ABR: variants seen among roughly 807,000 people sequenced by gnomAD.
ABR encodes active breakpoint cluster region-related protein.
In ABR, 35 loss-of-function variants were observed where a neutral mutation model predicts 107.2. The ratio of observed to expected loss-of-function variants is 0.33; its 90% CI spans 0.25 to 0.43. The LOEUF (loss-of-function observed/expected upper bound fraction) is 0.43, where lower values mean the gene tolerates loss of function less well. ABR is among the 20% of genes least tolerant of loss of function. ABR has a pLI of 1.00. For missense variants in ABR, 815 were observed against 1,115.2 expected (o/e 0.73, Z 3.83); for synonymous variants, 498 against 462.0 (o/e 1.08, Z -1.00).
At chr17:1,211,089 C>T (rs1219485317) in intron 1 of ABR, among the ~76,000 whole-genome samples, 1 of 152,006 alleles carries the variant, frequency 6.6e-6, no homozygotes, top group African/African-American at 2.4e-5. Context: ...ACCAGCCTGT[C>T]CAATATGGTG....
At chr17:1,053,529 C>T (rs921867140) in intron 14 of ABR, among the ~76,000 whole-genome samples, 2 of 152,092 alleles carry the variant, frequency 1.3e-5, no homozygotes, top group Admixed American at 6.5e-5. Context: ...CTTCTCTCCC[C>T]AGGTTCCTGT....
In ABR at chr17:1,078,553, A is replaced by G. The variant is rs1320473446; in HGVS notation, c.700+777T>C. ...CCAGGAAGTTCTCTCACACTAGCCC[A>G]CCAATTCCCCACCGATCCTCGGGGC... On this transcript the variant is annotated intron_variant, in intron 6 of 22. Transcript: ENST00000302538. The surrounding 1 kb of genome is among the most constrained non-coding windows in gnomAD (Gnocchi z 7.5). Among the ~76,000 whole-genome samples the G allele has an allele frequency of 6.6e-6, 1 of 151,712 alleles. No homozygotes were observed. Among genetic ancestry groups the G allele is most frequent in the Non-Finnish European group, 1.5e-5 (1 of 67,930 alleles).
chr17:1,015,028 C>G (rs1356208024), intron 16 of ABR, among the ~76,000 whole-genome samples: 1 of 152,128 alleles, frequency 6.6e-6, no homozygotes, highest in Non-Finnish European at 1.5e-5. Context: ...CAAAAAAAAT[C>G]TGTATACATT....
chr17:1,037,704 G>A lies in ABR; in HGVS notation c.1791+12346C>T, dbSNP rs1418131851. 6.6e-6 allele frequency among the ~76,000 whole-genome samples: 1 copy of A among 152,164 alleles called. No homozygotes were observed. Among genetic ancestry groups the A allele is most frequent in the African/African-American group, 2.4e-5 (1 of 41,432 alleles). On this transcript the variant is annotated intron_variant, in intron 16 of 22. Transcript: ENST00000302538. This position sits in a 1 kb window ranked among gnomAD's most constrained non-coding sequence, Gnocchi z 4.6. ...GGGTGTGGCCGGGTCTCCCAGCACA[G>A]CCATAAATTGCAGCCTGAGGCAGGA...
At chr17:1,101,889 A>G (rs1019767578) in intron 2 of ABR, among the ~76,000 whole-genome samples, 8 of 151,904 alleles carry the variant, frequency 5.3e-5, no homozygotes, top group Admixed American at 6.6e-5. Context: ...TCCCGCCACC[A>G]CGCCCAGCTA....
At chr17:1,020,571 T>A (rs372125125) in intron 16 of ABR, among the ~76,000 whole-genome samples, 1 of 151,756 alleles carries the variant, frequency 6.6e-6, no homozygotes. Context: ...GGAGCAGGAG[T>A]GAAGACCCGA....
At position 1,037,465 on chromosome 17, in the gene ABR, C is replaced by A. The variant is rs745287; in HGVS notation, c.1791+12585G>T. ...CTTGTCTGCTGCAGGAGAAGTGTCC[C>A]GACAGCCCGTCCCTGGCAAACCCTA... On this transcript the variant is annotated intron_variant, in intron 16 of 22. Coordinates refer to ENST00000302538, the MANE Select transcript of ABR (RefSeq NM_021962.5). This position sits in a 1 kb window ranked among gnomAD's most constrained non-coding sequence, Gnocchi z 4.6. Among the ~76,000 whole-genome samples, 1 of 152,184 alleles carries A rather than the reference C, an allele frequency of 6.6e-6. No homozygotes were observed. Among genetic ancestry groups the A allele is most frequent in the African/African-American group, 2.4e-5 (1 of 41,454 alleles).
intron 18 of ABR, 37 bp downstream of exon 18, chr17:1,012,651 C>T (rs770118270): frequency 6.6e-7 from 1 of 1,509,960 alleles, no homozygotes; most frequent in South Asian, 1.2e-5. Context: ...ACCCGGGGCA[C>T]CGACGCCAGG....
intron 2 of ABR, among the ~76,000 whole-genome samples, chr17:1,118,317 G>T (rs71358534): frequency 8.2e-5 from 3 of 36,756 alleles, no homozygotes; most frequent in Admixed American, 3.7e-4. Context: ...TCTCCCCAGC[G>T]TTATCCCTGA....
intron 16 of ABR, among the ~76,000 whole-genome samples, chr17:1,018,098 T>A (rs185459557): frequency 0.035 from 5,305 of 151,014 alleles, 133 homozygotes; most frequent in Middle Eastern, 0.055. Context: ...GCTGGAGTGC[T>A]GTGGCGCGAT....
rs370123746 is a variant in ABR, at chr17:1,091,809, G to A, written c.387C>T (p.Pro129=). The change falls in exon 4 of 23, where the codon CCC becomes CCT. Residue 129 remains proline, a synonymous_variant. Transcript: ENST00000302538. ...PLKATATTSQ[P]VLTIQQIETI... ...TCTCGATCTGCTGGATGGTGAGCAC[G>A]GGCTGGGAGGTGGTGGCGGTGGCCT... 8.1e-5 allele frequency: 131 copies of A among 1,614,092 alleles called. No individual in the cohort carries two copies. The highest frequency in any genetic ancestry group is 1.2e-4 in the African/African-American group (9 of 75,048).
At chr17:1,091,189 CT>C (rs2036999389) in intron 4 of ABR, among the ~76,000 whole-genome samples, 1 of 152,168 alleles carries the variant, frequency 6.6e-6, no homozygotes, top group Admixed American at 6.5e-5. Context: ...CCTCATGCCC[CT>C]AACCCGGCAT....
Position 1,109,934 on chromosome 17 carries a change from C to T in ABR, c.247-9199G>A, listed in dbSNP as rs1398376865. 9.7e-5 allele frequency among the ~76,000 whole-genome samples: 12 copies of T among 124,150 alleles called. No homozygotes were observed. The South Asian group carries it at 3.6e-3, about 37-fold the overall frequency. The allele number at this position is 124,150 out of a possible 152,430, so 81.4% of individuals were successfully genotyped here. ...ACCCCCACCTCCTCTGAGCAGCCCC[C>T]CCACTCACAGACCAGCCCCCCTACT... On this transcript the variant is annotated intron_variant, in intron 2 of 22. Transcript: ENST00000302538.
intron 16 of ABR, among the ~76,000 whole-genome samples, chr17:1,014,265 C>A (rs2070932555): frequency 6.6e-6 from 1 of 150,846 alleles, no homozygotes; most frequent in African/African-American, 2.4e-5. Flanking sequence ...CACGGTGAAA[C>A]CCCGTCTCTA....
chr17:1,012,843 C>T (rs1388423110), intron 17 of ABR, 46 bp from the exon 18 acceptor site: 14 of 1,472,072 alleles, frequency 9.5e-6, no homozygotes, highest in Admixed American at 2.0e-5. Flanking sequence ...GGTGTGAGTG[C>T]CCGAGGAATG....
At position 1,139,817 on chromosome 17, in the gene ABR, T is replaced by G. The variant is rs2255157; in HGVS notation, c.62-14450A>C. Reference sequence around the variant, plus strand: ...TCATACAAATACCAAACACGAAGTGTGTGGGCTGCCCTGAGGGGTTCATAT... The same window carrying G: ...TCATACAAATACCAAACACGAAGTGGGTGGGCTGCCCTGAGGGGTTCATAT... On this transcript the variant is annotated intron_variant, in intron 1 of 22. Coordinates refer to ENST00000302538, the MANE Select transcript of ABR (RefSeq NM_021962.5). Among the ~76,000 whole-genome samples, 519 of 151,994 alleles carry G rather than the reference T, an allele frequency of 3.4e-3. 6 individuals are homozygous for G. Among genetic ancestry groups the G allele is most frequent in the African/African-American group, 0.012 (489 of 41,450 alleles).
intron 2 of ABR, among the ~76,000 whole-genome samples, chr17:1,110,232 C>T (rs2038589476): frequency 6.6e-6 from 1 of 151,916 alleles, no homozygotes; most frequent in African/African-American, 2.4e-5. Flanking sequence ...TCCCCCTGGC[C>T]CTAGTTCCCA....
intron 1 of ABR, among the ~76,000 whole-genome samples, chr17:1,166,205 G>A (rs1011472989): frequency 6.6e-6 from 1 of 152,134 alleles, no homozygotes; most frequent in Non-Finnish European, 1.5e-5. Flanking sequence ...AGCAGGACAG[G>A]CAAGTCGTCT....
chr17:1,054,569 TGAGGGGATGGGGG>T, intron 14 of ABR, among the ~76,000 whole-genome samples: 1 of 94,448 alleles, frequency 1.1e-5, no homozygotes, highest in Non-Finnish European at 2.1e-5. Context: ...ACAAAGAACC[TGAGGGGATGGGGG>T]CACAAGGAAC....
Sources: gnomAD v4.1 joint callset for allele counts (sites outside exome capture counted in the v4.1 genomes callset) on GRCh38, gnomAD v4.1.1 for gene constraint, Gnocchi (gnomAD v3.1) non-coding constraint, MANE v1.5 for transcripts, NCBI Gene and HGNC (gene_info 2026-07-23, HGNC 2026-07-21) for gene names.